The following KCNK10 variants were observed in gnomAD, a reference collection of about 807,000 sequenced individuals.
KCNK10 encodes the protein potassium two pore domain channel subfamily K member 10, also known as potassium channel subfamily K member 10.
KCNK10 carries 25 observed loss-of-function variants against 47.7 expected under a neutral mutation model. That is an observed-to-expected ratio of 0.52 (90% confidence interval 0.38 to 0.73). KCNK10 has a LOEUF of 0.73. Among genes scored for constraint, KCNK10 ranks in the 30% least tolerant of loss-of-function variants. The pLI is 0.00. For missense variants in KCNK10, 563 were observed against 714.5 expected, an observed-to-expected ratio of 0.79 and a Z score of 2.42; for synonymous variants, 303 against 285.6, an observed-to-expected ratio of 1.06 and a Z score of -0.61.
upstream of KCNK10, among the ~76,000 whole-genome samples, chr14:88,325,195 G>A (rs1326613219): frequency 6.6e-6 from 1 of 152,158 alleles, no homozygotes; most frequent in Non-Finnish European, 1.5e-5. Flanking sequence ...TCCAGAGGGA[G>A]ATGCTTCTAA....
At chr14:88,225,698 C>T (rs1885960089) in intron 4 of KCNK10, among the ~76,000 whole-genome samples, 2 of 152,144 alleles carry the variant, frequency 1.3e-5, no homozygotes, top group Admixed American at 1.3e-4. Flanking sequence ...AATAAAAATG[C>T]CAGATCAGTC....
chr14:88,271,023 C>T (rs764706419), intron 1 of KCNK10: 7 of 559,774 alleles, frequency 1.3e-5, no homozygotes, highest in South Asian at 2.3e-5. Flanking sequence ...CACCCAGACC[C>T]GCTCACACCT....
In KCNK10 at chr14:88,192,305, T is replaced by A; in HGVS notation, c.787A>T (p.Ile263Phe). The change falls in exon 5 of 7, where the codon ATC becomes TTC. Residue 263 changes from isoleucine to phenylalanine, a missense_variant. Physicochemically the swap from Ile to Phe is conservative, Grantham distance 21. Coordinates refer to ENST00000319231, the MANE Select transcript of KCNK10 (RefSeq NM_138317.3). The part of the protein sequence containing the change: ...VTIPAVIFKY[I>F]EGWTALESIY... ...GACTCCAAGGCCGTCCAGCCCTCGA[T>A]GTACTTAAAGATGACAGCAGGGATC... 1 of 1,614,096 alleles carries A rather than the reference T, an allele frequency of 6.2e-7. No homozygotes were observed. The highest frequency in any genetic ancestry group is 8.5e-7 in the Non-Finnish European group (1 of 1,180,010).
At chr14:88,315,104 A>G (rs1888404170) in intron 1 of KCNK10, among the ~76,000 whole-genome samples, 1 of 152,154 alleles carries the variant, frequency 6.6e-6, no homozygotes, top group African/African-American at 2.4e-5. Context: ...AGAGGGTGAC[A>G]TTTTGCCTGG....
intron 3 of KCNK10, among the ~76,000 whole-genome samples, chr14:88,239,331 G>A (rs1469337033): frequency 6.6e-6 from 1 of 152,196 alleles, no homozygotes; most frequent in Admixed American, 6.5e-5. Context: ...AAATTGAGAT[G>A]CTAAGTTCAC....
chr14:88,272,065 C>T (rs773607453), intron 1 of KCNK10, among the ~76,000 whole-genome samples: 6 of 152,096 alleles, frequency 3.9e-5, no homozygotes, highest in Non-Finnish European at 5.9e-5. Context: ...CTGTCTTCCA[C>T]GATGGCCCCA....
At chr14:88,212,895 C>T (rs1457557676) in intron 4 of KCNK10, among the ~76,000 whole-genome samples, 1 of 152,210 alleles carries the variant, frequency 6.6e-6, no homozygotes, top group Non-Finnish European at 1.5e-5. Context: ...TTGTTGGCAG[C>T]CCTTCACTAT....
At position 88,263,434 on chromosome 14, in the gene KCNK10, A is replaced by G. The variant is rs61738957; in HGVS notation, c.170T>C (p.Val57Ala). 103 of 1,614,040 alleles carry G rather than the reference A, an allele frequency of 6.4e-5. No individual in the cohort carries two copies. The African/African-American group carries it at 1.0e-3, about 16-fold the overall frequency. ...TTGGGAGGTGCCTTCCATCCTGGCT[A>G]CCACTGTGGCTCGGGAGGAAATGGA... ...RLSISSRATV[V>A]ARMEGTSQGG... Residue 57 changes from valine to alanine, a missense_variant, in exon 2 of 7, where the codon GTA becomes GCA. By Grantham distance (64) the Val-to-Ala change is moderately conservative. Coordinates refer to ENST00000319231, the MANE Select transcript of KCNK10 (RefSeq NM_138317.3).
chr14:88,213,135 A>T (rs1330230320), intron 4 of KCNK10, among the ~76,000 whole-genome samples: 2 of 152,222 alleles, frequency 1.3e-5, no homozygotes, highest in African/African-American at 4.8e-5. Flanking sequence ...CCTACAGTGA[A>T]CACATAGATC....
At chr14:88,240,394 A>G (rs1445660961) in intron 3 of KCNK10, among the ~76,000 whole-genome samples, 5 of 152,236 alleles carry the variant, frequency 3.3e-5, no homozygotes, top group Non-Finnish European at 2.9e-5. Flanking sequence ...AACTTTAATA[A>G]GAAGTACAAT....
At chr14:88,244,530 G>T (rs781241763) in intron 2 of KCNK10, among the ~76,000 whole-genome samples, 3 of 152,110 alleles carry the variant, frequency 2.0e-5, no homozygotes, top group South Asian at 2.1e-4. Context: ...TTAGCCAGGC[G>T]TGGTGGCGGG....
intron 1 of KCNK10, among the ~76,000 whole-genome samples, chr14:88,294,614 A>G (rs534742034): frequency 6.6e-6 from 1 of 152,328 alleles, no homozygotes; most frequent in African/African-American, 2.4e-5. Context: ...GCCTATGCCC[A>G]TGACACTCAG....
intron 2 of KCNK10, among the ~76,000 whole-genome samples, chr14:88,255,975 G>C (rs1386551046): frequency 6.6e-6 from 1 of 152,204 alleles, no homozygotes; most frequent in African/African-American, 2.4e-5. Context: ...ATCAGTAAGT[G>C]GTAGCTATAT....
At chr14:88,310,132 C>A in intron 1 of KCNK10, among the ~76,000 whole-genome samples, 1 of 33,876 alleles carries the variant, frequency 3.0e-5, no homozygotes, top group South Asian at 1.1e-3. Flanking sequence ...TGTTCTGGAG[C>A]TGATGTTTTA....
At position 88,240,718 on chromosome 14, in the gene KCNK10, C is replaced by T; in HGVS notation, c.505G>A (p.Val169Ile). ...AAACGGGTACCTATGGTCGTAATGA[C>T]AGTTCCAGCAAAGAAAAAGGCACTG... ...LGSAFFFAGT[V>I]ITTIGYGNIA... Residue 169 changes from valine to isoleucine, a missense_variant, in exon 3 of 7, where the codon GTC becomes ATC. Val to Ile is a conservative substitution (Grantham distance 29). Transcript: ENST00000319231. 1 of 1,610,596 alleles carries T rather than the reference C, an allele frequency of 6.2e-7. No individual in the cohort carries two copies. The highest frequency in any genetic ancestry group is 8.5e-7 in the Non-Finnish European group (1 of 1,176,844).
At chr14:88,217,262 G>A (rs888981968) in intron 4 of KCNK10, among the ~76,000 whole-genome samples, 4 of 152,172 alleles carry the variant, frequency 2.6e-5, no homozygotes, top group African/African-American at 9.7e-5. Flanking sequence ...TGACATAGAA[G>A]CAGATACTCC....
At chr14:88,215,014 T>C (rs1885573512) in intron 4 of KCNK10, among the ~76,000 whole-genome samples, 1 of 152,194 alleles carries the variant, frequency 6.6e-6, no homozygotes, top group African/African-American at 2.4e-5. Flanking sequence ...TTCTGTCATT[T>C]ATGGGCTGTG....
chr14:88,296,231 C>T (rs550540776), intron 1 of KCNK10, among the ~76,000 whole-genome samples: 1 of 152,318 alleles, frequency 6.6e-6, no homozygotes, highest in African/African-American at 2.4e-5. Flanking sequence ...GGAAGTGGAG[C>T]AGACCTTGAT....
chr14:88,200,745 CT>C (rs1308250561), intron 4 of KCNK10, among the ~76,000 whole-genome samples: 1 of 152,186 alleles, frequency 6.6e-6, no homozygotes, highest in African/African-American at 2.4e-5. Flanking sequence ...TACCTACTCT[CT>C]GTCAGATATT....
Sources: gnomAD v4.1 joint callset for allele counts (sites outside exome capture counted in the v4.1 genomes callset) on GRCh38, gnomAD v4.1.1 for gene constraint, MANE v1.5 for transcripts, NCBI Gene and HGNC (gene_info 2026-07-23, HGNC 2026-07-21) for gene names.